The following ZNRF1 variants were observed in gnomAD, a reference collection of about 807,000 sequenced individuals.
ZNRF1 encodes zinc and ring finger 1.
A neutral mutation model predicts 18.4 loss-of-function variants in ZNRF1; 3 were observed. The observed-to-expected ratio is 0.16, with a 90% CI of 0.07 to 0.42. ZNRF1 has a LOEUF of 0.42. Ranked by LOEUF, ZNRF1 falls within the 10% of genes least tolerant of loss-of-function variation. The pLI is 0.99. For missense variants in ZNRF1, 310 were observed against 329.8 expected, an observed-to-expected ratio of 0.94 and a Z score of 0.47; for synonymous variants, 157 against 144.2, an observed-to-expected ratio of 1.09 and a Z score of -0.64.
In ZNRF1 at chr16:74,999,394, G is replaced by A. The variant is rs1331344477; in HGVS notation, c.-278G>A. The A allele has an allele frequency of 1.1e-5, 3 of 273,222 alleles. No individual in the cohort carries two copies. The highest frequency in any genetic ancestry group is 5.4e-5 in the Admixed American group (1 of 18,674). The allele number at this position is 273,222 out of a possible 1,614,324, so 16.9% of individuals were successfully genotyped here. Reference sequence around the variant, plus strand: ...AGCCCGGGGGCGGCCTGTGGCGCGCGGAGCCCGCGCCGGACTGCGCCTCTT... The same window carrying A: ...AGCCCGGGGGCGGCCTGTGGCGCGCAGAGCCCGCGCCGGACTGCGCCTCTT... On this transcript the variant is annotated 5_prime_UTR_variant, in exon 1 of 5. Transcript: ENST00000335325.
intron 1 of ZNRF1, among the ~76,000 whole-genome samples, chr16:75,065,400 C>T (rs545541225): frequency 2.4e-4 from 36 of 151,722 alleles, no homozygotes; most frequent in Non-Finnish European, 3.7e-4. Flanking sequence ...GCCAGAGCCA[C>T]GCTCTGGCCG....
intron 1 of ZNRF1, among the ~76,000 whole-genome samples, chr16:75,022,927 C>T (rs1040789153): frequency 3.9e-5 from 6 of 152,172 alleles, no homozygotes; most frequent in Non-Finnish European, 5.9e-5. Context: ...AATTCAGAGA[C>T]GGTGTTGCAT....
At chr16:75,053,910 G>A (rs979453604) in intron 1 of ZNRF1, among the ~76,000 whole-genome samples, 2 of 152,184 alleles carry the variant, frequency 1.3e-5, no homozygotes, top group African/African-American at 4.8e-5. Flanking sequence ...TTGGCTCATT[G>A]TGGCCACGCA....
intron 1 of ZNRF1, among the ~76,000 whole-genome samples, chr16:75,091,032 T>G (rs930429442): frequency 2.6e-5 from 4 of 152,142 alleles, no homozygotes; most frequent in Non-Finnish European, 5.9e-5. Flanking sequence ...ATTACAGGCG[T>G]GAGACACCGC....
At chr16:75,074,190 C>T (rs2035909959) in intron 1 of ZNRF1, among the ~76,000 whole-genome samples, 1 of 152,172 alleles carries the variant, frequency 6.6e-6, no homozygotes, top group South Asian at 2.1e-4. Flanking sequence ...CGTTGCTAGA[C>T]CTCCTGTATG....
At chr16:75,065,013 T>G (rs185514741) in intron 1 of ZNRF1, among the ~76,000 whole-genome samples, 182 of 152,284 alleles carry the variant, frequency 1.2e-3, no homozygotes, top group Admixed American at 2.5e-3. Flanking sequence ...TCACCCCACT[T>G]CACGTGAGAG....
intron 1 of ZNRF1, among the ~76,000 whole-genome samples, chr16:75,043,560 A>T (rs941104043): frequency 1.3e-5 from 2 of 152,166 alleles, no homozygotes; most frequent in African/African-American, 4.8e-5. Context: ...TAACTATAAT[A>T]TATGCAAGGA....
chr16:75,071,366 G>A (rs922082596), intron 1 of ZNRF1, among the ~76,000 whole-genome samples: 6 of 152,064 alleles, frequency 3.9e-5, no homozygotes, highest in Admixed American at 6.6e-5. Flanking sequence ...TCCCAATTAC[G>A]GGTGTGAACC....
intron 1 of ZNRF1, among the ~76,000 whole-genome samples, chr16:75,033,783 T>G (rs1026187035): frequency 6.6e-6 from 1 of 152,188 alleles, no homozygotes; most frequent in Non-Finnish European, 1.5e-5. Flanking sequence ...AATATTTACC[T>G]CTGAATGATT....
intron 1 of ZNRF1, among the ~76,000 whole-genome samples, chr16:75,003,959 ATT>A (rs61398639): frequency 2.5e-4 from 36 of 146,124 alleles, no homozygotes; most frequent in South Asian, 6.5e-4. Flanking sequence ...ATCGCCTCAG[ATT>A]TTTTTTTTTT....
At chr16:75,039,620 G>T (rs1315638539) in intron 1 of ZNRF1, among the ~76,000 whole-genome samples, 1 of 152,180 alleles carries the variant, frequency 6.6e-6, no homozygotes, top group Non-Finnish European at 1.5e-5. Context: ...CATCTCTGGT[G>T]AGACTTTGAA....
At chr16:75,020,450 A>C (rs1010990157) in intron 1 of ZNRF1, among the ~76,000 whole-genome samples, 3 of 152,080 alleles carry the variant, frequency 2.0e-5, no homozygotes, top group Non-Finnish European at 4.4e-5. Flanking sequence ...AATTTATTTA[A>C]TATCATTAAA....
intron 1 of ZNRF1, among the ~76,000 whole-genome samples, chr16:75,073,146 C>CTCTCTCTCTGTCTG (rs146902791): frequency 1.5e-4 from 19 of 128,662 alleles, no homozygotes; most frequent in African/African-American, 5.9e-5. Flanking sequence ...CTCTCTCTCT[C>CTCTCTCTCTGTCTG]TCTCTCTGTC....
rs899188718 is a variant in ZNRF1 at position 75,087,807 on chromosome 16, G to C, written c.425-5765G>C. ...AGTATCAGGCTTGGCCAGCAAGCCC[G>C]AGCAAACTGACATCTCCCTTCACTG... is the stretch of plus-strand genomic sequence containing the variant. On this transcript the variant is annotated intron_variant, in intron 1 of 4. Coordinates refer to ENST00000335325, the MANE Select transcript of ZNRF1 (RefSeq NM_032268.5). Among the ~76,000 whole-genome samples, 4 of 152,200 alleles carry C rather than the reference G, an allele frequency of 2.6e-5. 1 individual carries two copies. The highest frequency in any genetic ancestry group is 6.3e-3 in the Middle Eastern group (2 of 316).
intron 1 of ZNRF1, chr16:75,084,710 A>G (rs2036054076): frequency 6.6e-6 from 1 of 152,314 alleles, no homozygotes; most frequent in Admixed American, 6.5e-5. Flanking sequence ...CACGGTGCCT[A>G]GATGCTCTGC....
intron 1 of ZNRF1, among the ~76,000 whole-genome samples, chr16:75,041,072 A>G (rs983639866): frequency 3.9e-5 from 6 of 152,252 alleles, no homozygotes; most frequent in Non-Finnish European, 5.9e-5. Context: ...GCTTAAGACA[A>G]TTATGAATGA....
At chr16:75,019,022 C>T (rs1462626133) in intron 1 of ZNRF1, among the ~76,000 whole-genome samples, 5 of 152,080 alleles carry the variant, frequency 3.3e-5, no homozygotes, top group Admixed American at 1.3e-4. Context: ...AAAAGTTAGC[C>T]GGGCGTGGTG....
At chr16:75,096,061 C>CTGTGTGTGT (rs2036195611) in intron 2 of ZNRF1, among the ~76,000 whole-genome samples, 4 of 139,644 alleles carry the variant, frequency 2.9e-5, no homozygotes, top group African/African-American at 8.0e-5. Flanking sequence ...TATGTGTGCA[C>CTGTGTGTGT]GTGTGTGTGT....
chr16:75,095,523 T>C (rs1597907862), intron 2 of ZNRF1: 2 of 1,385,352 alleles, frequency 1.4e-6, no homozygotes, highest in South Asian at 3.2e-5. Flanking sequence ...CCCACATGTG[T>C]GGAGACCTCA....
Sources: gnomAD v4.1 joint callset for allele counts (sites outside exome capture counted in the v4.1 genomes callset) on GRCh38, gnomAD v4.1.1 for gene constraint, MANE v1.5 for transcripts, NCBI Gene and HGNC (gene_info 2026-07-23, HGNC 2026-07-21) for gene names.